The following PALM2AKAP2 variants were observed in gnomAD, a reference collection of about 807,000 sequenced individuals.
The protein encoded by PALM2AKAP2 is PALM2 and AKAP2 fusion.
In PALM2AKAP2, 37 loss-of-function variants were observed where a neutral mutation model predicts 71.5. The observed-to-expected ratio is 0.52, with a 90% confidence interval of 0.40 to 0.68. The LOEUF (loss-of-function observed/expected upper bound fraction) is 0.68, where lower values mean the gene tolerates loss of function less well. PALM2AKAP2 is among the 30% of genes least tolerant of loss of function. The pLI, the probability that PALM2AKAP2 is intolerant of heterozygous loss-of-function variation, is 0.00. For missense variants in PALM2AKAP2, 1,224 were observed against 1,191.8 expected (o/e 1.03, Z -0.40); for synonymous variants, 468 against 478.8 (o/e 0.98, Z 0.29).
chr9:109,853,975 C>A (rs1477536459), intron 1 of PALM2AKAP2, among the ~76,000 whole-genome samples: 1 of 152,208 alleles, frequency 6.6e-6, no homozygotes, highest in Non-Finnish European at 1.5e-5. Flanking sequence ...TCTTCTTAGT[C>A]TTCTAGGACT....
exon 2 of PALM2AKAP2, chr9:110,138,374 T>C: frequency 6.2e-7 from 1 of 1,614,078 alleles, no homozygotes; most frequent in South Asian, 1.1e-5. Flanking sequence ...CAAGCTGAGG[T>C]CCAGGAAACA....
chr9:110,158,524 G>A (rs1044893427), intron 3 of PALM2AKAP2, among the ~76,000 whole-genome samples: 1 of 152,192 alleles, frequency 6.6e-6, no homozygotes, highest in African/African-American at 2.4e-5. Context: ...AAGGCAGAGG[G>A]CTGGAAGCTC....
chr9:109,946,416 A>G (rs1014222015), intron 6 of PALM2AKAP2: 2 of 152,112 alleles, frequency 1.3e-5, no homozygotes, highest in Non-Finnish European at 2.9e-5. Context: ...GGCCGAGTGC[A>G]GCGGCTCACA....
intron 6 of PALM2AKAP2, among the ~76,000 whole-genome samples, chr9:109,938,864 A>G (rs12685804): frequency 0.074 from 11,302 of 152,032 alleles, 749 homozygotes; most frequent in East Asian, 0.29. Flanking sequence ...CCCCATCTCT[A>G]CTGAAAATAC....
intron 1 of PALM2AKAP2, among the ~76,000 whole-genome samples, chr9:110,104,687 T>C (rs576413732): frequency 1.3e-5 from 2 of 152,356 alleles, no homozygotes; most frequent in East Asian, 3.9e-4. Context: ...TTTCAAAACC[T>C]GATTCTTCGC....
At chr9:109,914,031 C>T (rs1338131219) in intron 3 of PALM2AKAP2, among the ~76,000 whole-genome samples, 1 of 152,168 alleles carries the variant, frequency 6.6e-6, no homozygotes, top group Non-Finnish European at 1.5e-5. Flanking sequence ...GCTGGGATTA[C>T]AGGCGTGAAC....
intron 1 of PALM2AKAP2, among the ~76,000 whole-genome samples, chr9:109,702,985 AT>A (rs1242377165): frequency 6.6e-6 from 1 of 151,904 alleles, no homozygotes; most frequent in Non-Finnish European, 1.5e-5. Flanking sequence ...GGCCCAGATA[AT>A]TTTTGTATTT....
chr9:109,796,037 C>T (rs1338463045), intron 1 of PALM2AKAP2, among the ~76,000 whole-genome samples: 1 of 152,242 alleles, frequency 6.6e-6, no homozygotes, highest in Non-Finnish European at 1.5e-5. Context: ...TCACCATTAT[C>T]TACTCTCCGC....
chr9:110,046,710 C>A (rs1384980912), upstream of PALM2AKAP2, among the ~76,000 whole-genome samples: 1 of 152,112 alleles, frequency 6.6e-6, no homozygotes, highest in Non-Finnish European at 1.5e-5. Context: ...TCAGATGATC[C>A]GCCCACCTCG....
chr9:109,780,219 C>A, upstream of PALM2AKAP2: 1 of 999,132 alleles, frequency 1.0e-6, no homozygotes, highest in Non-Finnish European at 1.2e-6. Context: ...TCGGCTGGCG[C>A]GGCCGGCGGC....
intron 1 of PALM2AKAP2, among the ~76,000 whole-genome samples, chr9:109,667,563 G>A (rs549299933): frequency 2.6e-5 from 4 of 152,214 alleles, no homozygotes; most frequent in Admixed American, 2.6e-4. Context: ...GTCAAGGCAG[G>A]TGTATCACTT....
rs898046139 is a variant in PALM2AKAP2 at position 109,971,106 on chromosome 9, T to G, written c.496+39078T>G. 3.3e-5 allele frequency among the ~76,000 whole-genome samples: 5 copies of G among 151,990 alleles called. No individual in the cohort carries two copies. The South Asian group carries it at 1.0e-3, about 31-fold the overall frequency. On this transcript the variant is annotated intron_variant, in intron 6 of 9. Coordinates refer to the PALM2AKAP2 transcript ENST00000302798. Reference sequence around the variant, plus strand: ...AGACCCTGTCTCAAATAAAATAAAATAAAAGTTTCCTTAGAAAGAAAGCTT... The same window carrying G: ...AGACCCTGTCTCAAATAAAATAAAAGAAAAGTTTCCTTAGAAAGAAAGCTT...
intron 3 of PALM2AKAP2, among the ~76,000 whole-genome samples, chr9:109,885,182 GT>G (rs1243438026): frequency 1.3e-5 from 2 of 152,112 alleles, no homozygotes; most frequent in African/African-American, 4.8e-5. Context: ...TTACAGACAT[GT>G]TTTTTTCCAA....
intron 1 of PALM2AKAP2, among the ~76,000 whole-genome samples, chr9:110,062,370 T>C (rs62580253): frequency 0.057 from 8,664 of 152,316 alleles, 319 homozygotes; most frequent in Middle Eastern, 0.11. Context: ...TGCATTAGTT[T>C]GCTGAGGATA....
chr9:109,851,682 T>C (rs1425076837), intron 1 of PALM2AKAP2, among the ~76,000 whole-genome samples: 3 of 152,176 alleles, frequency 2.0e-5, no homozygotes, highest in Non-Finnish European at 4.4e-5. Flanking sequence ...ACCATCATGA[T>C]CACAGTCAAA....
chr9:110,137,959 G>A, exon 2 of PALM2AKAP2: 1 of 1,614,100 alleles, frequency 6.2e-7, no homozygotes. Context: ...GCCTCCTGGT[G>A]CAGAATGCCA....
intron 1 of PALM2AKAP2, among the ~76,000 whole-genome samples, chr9:109,744,947 G>A (rs1344664850): frequency 6.6e-6 from 1 of 152,196 alleles, no homozygotes; most frequent in Admixed American, 6.5e-5. Context: ...TTCTCCATGA[G>A]CTCCCTCTAA....
intron 1 of PALM2AKAP2, among the ~76,000 whole-genome samples, chr9:109,809,996 A>G (rs949731531): frequency 6.6e-6 from 1 of 152,192 alleles, no homozygotes; most frequent in African/African-American, 2.4e-5. Context: ...TCCTTTTTAA[A>G]TTACCCAGTC....
At chr9:109,827,948 G>T (rs1401788927) in intron 1 of PALM2AKAP2, among the ~76,000 whole-genome samples, 3 of 152,182 alleles carry the variant, frequency 2.0e-5, no homozygotes, top group Admixed American at 6.5e-5. Context: ...GAAATAACTG[G>T]ATAATTAATC....
Sources: allele counts gnomAD v4.1 joint callset (sites outside exome capture counted in the v4.1 genomes callset), GRCh38; gene constraint gnomAD v4.1.1; transcripts MANE v1.5; gene names NCBI Gene and HGNC (gene_info 2026-07-23, HGNC 2026-07-21).